Variants in RETREG1 observed in about 807,000 individuals in gnomAD.
The protein encoded by RETREG1 is reticulophagy regulator 1, also known as family with sequence similarity 134 member B.
Under a neutral mutation model 54.8 loss-of-function variants are expected in RETREG1, and 44 were observed. The ratio of observed to expected loss-of-function variants is 0.80; its 90% CI spans 0.63 to 1.03. The LOEUF (loss-of-function observed/expected upper bound fraction) is 1.03, where lower values mean the gene tolerates loss of function less well. Among genes scored for constraint, RETREG1 ranks in the 50% least tolerant of loss-of-function variants. The pLI is 0.00. For missense variants in RETREG1, 554 were observed against 605.1 expected, an observed-to-expected ratio of 0.92 and a Z score of 0.89; for synonymous variants, 217 against 238.5, an observed-to-expected ratio of 0.91 and a Z score of 0.83.
chr5:16,566,449 GACT>G (rs1742016478), intron 2 of RETREG1, among the ~76,000 whole-genome samples: 2 of 151,946 alleles, frequency 1.3e-5, no homozygotes, highest in African/African-American at 4.8e-5. Context: ...GTCTTTATTT[GACT>G]ACATCTTGAT....
intron 1 of RETREG1, among the ~76,000 whole-genome samples, chr5:16,581,759 CA>C (rs1045148040): frequency 6.7e-4 from 100 of 148,726 alleles, no homozygotes; most frequent in African/African-American, 2.1e-3. Context: ...AAAAACGATA[CA>C]TTTTTAAATT....
intron 3 of RETREG1, among the ~76,000 whole-genome samples, chr5:16,526,396 G>A (rs1313972193): frequency 2.0e-5 from 3 of 152,186 alleles, no homozygotes; most frequent in Non-Finnish European, 4.4e-5. Context: ...TTAGTTACAA[G>A]CCAGGGCTAA....
chr5:16,512,277 G>C lies in RETREG1; in HGVS notation c.459-28805C>G, dbSNP rs534272001. Among the ~76,000 whole-genome samples, 7 of 152,294 alleles carry C rather than the reference G, an allele frequency of 4.6e-5. 1 individual carries two copies. The highest frequency in any genetic ancestry group is 1.7e-4 in the African/African-American group (7 of 41,562). On this transcript the variant is annotated intron_variant, in intron 3 of 8. Coordinates refer to ENST00000306320, the MANE Select transcript of RETREG1 (RefSeq NM_001034850.3). Reference sequence around the variant, plus strand: ...AACAGCAAAGTCAGGTGACTTGCGGGTGACAGAGGCAGGAGTCACCTCTCC... The same window carrying C: ...AACAGCAAAGTCAGGTGACTTGCGGCTGACAGAGGCAGGAGTCACCTCTCC...
At chr5:16,584,379 C>T (rs1742571773) in intron 1 of RETREG1, among the ~76,000 whole-genome samples, 2 of 152,086 alleles carry the variant, frequency 1.3e-5, no homozygotes, top group Non-Finnish European at 2.9e-5. Flanking sequence ...TCCCTCCATT[C>T]AATTTAAATG....
intron 3 of RETREG1, 72 bp downstream of exon 3, chr5:16,565,691 T>C (rs1741985593): frequency 6.7e-7 from 1 of 1,482,248 alleles, no homozygotes; most frequent in Non-Finnish European, 9.4e-7. Flanking sequence ...ATTTCAGAGC[T>C]ACATCTTGGT....
intron 3 of RETREG1, among the ~76,000 whole-genome samples, chr5:16,551,171 G>C (rs2592031): frequency 0.34 from 51,486 of 151,926 alleles, 10,203 homozygotes; most frequent in Non-Finnish European, 0.44. Context: ...TCATTTACCA[G>C]CAATATTTTC....
In RETREG1 at chr5:16,597,591, G is replaced by T. The variant is rs1168625665; in HGVS notation, c.320+19061C>A. Among the ~76,000 whole-genome samples the T allele has an allele frequency of 6.6e-6, 1 of 152,040 alleles. No homozygotes were observed. Among genetic ancestry groups the T allele is most frequent in the Non-Finnish European group, 1.5e-5 (1 of 68,022 alleles). On this transcript the variant is annotated intron_variant, in intron 1 of 8. Transcript: ENST00000306320. This position sits in a 1 kb window ranked among gnomAD's most constrained non-coding sequence, Gnocchi z 4.3. ...CAGCCACACCTCCAGAACCCTCCCAGGGAGAAGGGCACTTCCAACCTGCAC... is the reference window on the plus strand; with the variant it reads ...CAGCCACACCTCCAGAACCCTCCCATGGAGAAGGGCACTTCCAACCTGCAC...
chr5:16,510,544 C>A (rs1490623331), intron 3 of RETREG1, among the ~76,000 whole-genome samples: 2 of 151,984 alleles, frequency 1.3e-5, no homozygotes, highest in African/African-American at 4.8e-5. Flanking sequence ...AATCCTAGCA[C>A]TTTGGGAGGC....
intron 3 of RETREG1, among the ~76,000 whole-genome samples, chr5:16,541,214 G>T (rs1741233449): frequency 6.6e-6 from 1 of 152,190 alleles, no homozygotes; most frequent in African/African-American, 2.4e-5. Flanking sequence ...CATGAGGGCA[G>T]AACTCACAAC....
At chr5:16,478,164 A>G in intron 6 of RETREG1, 66 bp from the exon 7 acceptor site, 1 of 988,168 alleles carries the variant, frequency 1.0e-6, no homozygotes, top group Non-Finnish European at 1.6e-6. Flanking sequence ...CATTTATTTC[A>G]TTATGTATTC....
chr5:16,480,538 T>C (rs2126515895), intron 5 of RETREG1, among the ~76,000 whole-genome samples: 1 of 152,202 alleles, frequency 6.6e-6, no homozygotes, highest in Middle Eastern at 3.4e-3. Flanking sequence ...TTATCCAAAG[T>C]GATTTTAACA....
At chr5:16,572,860 C>A (rs1270272696) in intron 1 of RETREG1, among the ~76,000 whole-genome samples, 1 of 152,064 alleles carries the variant, frequency 6.6e-6, no homozygotes, top group Admixed American at 6.6e-5. Flanking sequence ...CTATTCACTT[C>A]TCTAACTACT....
intron 3 of RETREG1, among the ~76,000 whole-genome samples, chr5:16,546,030 C>A (rs1741377132): frequency 6.6e-6 from 1 of 152,206 alleles, no homozygotes; most frequent in South Asian, 2.1e-4. Context: ...GAGAGAATCC[C>A]GATTTTATGC....
chr5:16,600,049 G>A (rs529204233), intron 1 of RETREG1, among the ~76,000 whole-genome samples: 5 of 152,292 alleles, frequency 3.3e-5, no homozygotes, highest in African/African-American at 1.2e-4. Context: ...CACCCAGGCT[G>A]GAGTGCAGTG....
At chr5:16,557,294 T>G (rs1477368336) in intron 3 of RETREG1, among the ~76,000 whole-genome samples, 1 of 152,226 alleles carries the variant, frequency 6.6e-6, no homozygotes, top group Non-Finnish European at 1.5e-5. Context: ...ATGAGACTTT[T>G]TTTTAAAACT....
At chr5:16,575,175 T>C (rs1742288997) in intron 1 of RETREG1, among the ~76,000 whole-genome samples, 1 of 152,198 alleles carries the variant, frequency 6.6e-6, no homozygotes, top group African/African-American at 2.4e-5. Context: ...TTGAAAAATA[T>C]TTTCCTTACA....
intron 5 of RETREG1, 29 bp downstream of exon 5, chr5:16,480,980 C>T (rs976219304): frequency 1.3e-6 from 2 of 1,493,526 alleles, no homozygotes; most frequent in Non-Finnish European, 1.9e-6. Context: ...TGCATCACAA[C>T]ACTTAGCCAT....
At chr5:16,497,314 G>A (rs941152425) in intron 3 of RETREG1, among the ~76,000 whole-genome samples, 5 of 152,286 alleles carry the variant, frequency 3.3e-5, no homozygotes, top group African/African-American at 1.2e-4. Context: ...GATGAAACAA[G>A]TTCTTCTACG....
At chr5:16,490,043 G>A (rs1237495142) in intron 3 of RETREG1, among the ~76,000 whole-genome samples, 1 of 152,130 alleles carries the variant, frequency 6.6e-6, no homozygotes, top group Non-Finnish European at 1.5e-5. Context: ...TAGATTTGAG[G>A]AGATAATTAC....
Sources: allele counts gnomAD v4.1 joint callset (sites outside exome capture counted in the v4.1 genomes callset), GRCh38; gene constraint gnomAD v4.1.1; non-coding constraint Gnocchi (gnomAD v3.1); transcripts MANE v1.5; gene names NCBI Gene and HGNC (gene_info 2026-07-23, HGNC 2026-07-21).